The following MYO1D variants were observed in gnomAD, a reference collection of about 807,000 sequenced individuals.
MYO1D encodes unconventional myosin-Id.
MYO1D carries 83 observed loss-of-function variants against 122.0 expected under a neutral mutation model. The observed-to-expected ratio is 0.68, with a 90% CI of 0.57 to 0.82. The LOEUF (loss-of-function observed/expected upper bound fraction) is 0.82, where lower values mean the gene tolerates loss of function less well. MYO1D is among the 40% of genes least tolerant of loss of function. The pLI is 0.00. For synonymous variants in MYO1D, 464 were observed against 446.9 expected, an observed-to-expected ratio of 1.04 and a Z score of -0.48; for missense variants, 1,157 against 1,269.5, an observed-to-expected ratio of 0.91 and a Z score of 1.35.
chr17:32,702,932 A>C (rs1167826895), intron 16 of MYO1D, among the ~76,000 whole-genome samples: 1 of 152,200 alleles, frequency 6.6e-6, no homozygotes, highest in African/African-American at 2.4e-5. Context: ...GCATAATTTA[A>C]ATTTCCAAAG....
intron 1 of MYO1D, among the ~76,000 whole-genome samples, chr17:32,793,158 G>A (rs971929573): frequency 1.3e-5 from 2 of 151,898 alleles, no homozygotes; most frequent in African/African-American, 4.8e-5. Flanking sequence ...CAGTCCACCA[G>A]TGCAGCACTC....
chr17:32,860,627 A>ATT (rs2091063265), intron 1 of MYO1D, among the ~76,000 whole-genome samples: 1 of 152,250 alleles, frequency 6.6e-6, no homozygotes, highest in African/African-American at 2.4e-5. Context: ...TTAAGTGAGA[A>ATT]TAATAAAGGA....
chr17:32,804,087 T>C (rs73283719), intron 1 of MYO1D, among the ~76,000 whole-genome samples: 5,451 of 152,282 alleles, frequency 0.036, 319 homozygotes, highest in African/African-American at 0.12. Context: ...AGCAGAATTC[T>C]TGGATGCTCA....
rs9898273 is a variant in MYO1D at position 32,745,090 on chromosome 17, T to A, written c.1613+121A>T. On this transcript the variant is annotated intron_variant, in intron 13 of 21. Coordinates refer to ENST00000318217, the MANE Select transcript of MYO1D (RefSeq NM_015194.3). ...GTTATATGCTATTTATTAAGTCTGA[T>A]AAAGCAGAACAAGAAAATGTGCCAG... 0.012 allele frequency: 8,088 copies of A among 651,340 alleles called. 486 individuals carry two copies. The African/African-American group carries it at 0.13, about 10-fold the overall frequency. The allele number at this position is 651,340 out of a possible 1,614,324, so 40.3% of individuals were successfully genotyped here. A position where few individuals can be genotyped will look rare whatever the true frequency, so the allele number is the denominator to read the frequency against.
chr17:32,677,751 CTT>C (rs1394379886), intron 16 of MYO1D, among the ~76,000 whole-genome samples: 1 of 151,970 alleles, frequency 6.6e-6, no homozygotes, highest in Admixed American at 6.5e-5. Context: ...AAATGCATGT[CTT>C]GATTTCAGAA....
intron 1 of MYO1D, among the ~76,000 whole-genome samples, chr17:32,807,908 C>A (rs1467563281): frequency 6.6e-6 from 1 of 152,168 alleles, no homozygotes; most frequent in Non-Finnish European, 1.5e-5. Flanking sequence ...TTGCATACCT[C>A]ATTTTCCTAA....
intron 16 of MYO1D, among the ~76,000 whole-genome samples, chr17:32,667,398 C>T (rs2088651514): frequency 6.6e-6 from 1 of 152,060 alleles, no homozygotes; most frequent in Non-Finnish European, 1.5e-5. Flanking sequence ...TAATATGTAA[C>T]AAGAAGAAAA....
intron 21 of MYO1D, among the ~76,000 whole-genome samples, chr17:32,500,320 T>C (rs1909274429): frequency 6.6e-6 from 1 of 152,218 alleles, no homozygotes; most frequent in South Asian, 2.1e-4. Flanking sequence ...TGGGCACAAC[T>C]GGTCAAGAGC....
intron 1 of MYO1D, among the ~76,000 whole-genome samples, chr17:32,850,001 T>TCACTAA (rs1415730769): frequency 6.6e-6 from 1 of 150,692 alleles, no homozygotes; most frequent in Non-Finnish European, 1.5e-5. Flanking sequence ...CCTCACTAAT[T>TCACTAA]TGCCTGTGTT....
At chr17:32,683,913 G>A (rs2088964525) in intron 16 of MYO1D, among the ~76,000 whole-genome samples, 1 of 152,086 alleles carries the variant, frequency 6.6e-6, no homozygotes, top group Non-Finnish European at 1.5e-5. Context: ...CGTGGGCGTA[G>A]GACCCTCCGA....
At chr17:32,870,290 G>A (rs1359381148) in intron 1 of MYO1D, among the ~76,000 whole-genome samples, 1 of 152,178 alleles carries the variant, frequency 6.6e-6, no homozygotes, top group African/African-American at 2.4e-5. Context: ...AAAAGATTTA[G>A]TGTGCCATTC....
intron 1 of MYO1D, among the ~76,000 whole-genome samples, chr17:32,864,007 C>CTTTTCT (rs2091100932): frequency 4.1e-5 from 2 of 48,960 alleles, no homozygotes; most frequent in African/African-American, 2.1e-4. Context: ...ACATTTCTTC[C>CTTTTCT]TTTTTTTTTT....
chr17:32,833,455 C>G (rs933489817), intron 1 of MYO1D, among the ~76,000 whole-genome samples: 16 of 152,308 alleles, frequency 1.1e-4, no homozygotes, highest in African/African-American at 3.1e-4. Flanking sequence ...TATTGTATAG[C>G]TTCTTAGCCA....
At chr17:32,784,794 T>C (rs576631818) in intron 1 of MYO1D, among the ~76,000 whole-genome samples, 4 of 152,134 alleles carry the variant, frequency 2.6e-5, no homozygotes, top group Admixed American at 2.0e-4. Flanking sequence ...GCAGACTACA[T>C]GCACAACCCC....
intron 2 of MYO1D, among the ~76,000 whole-genome samples, chr17:32,780,335 C>G (rs1250798449): frequency 1.3e-5 from 2 of 152,088 alleles, no homozygotes; most frequent in Non-Finnish European, 2.9e-5. Flanking sequence ...TCAGCTCAAT[C>G]TAACAAATTG....
At position 32,559,981 on chromosome 17, in the gene MYO1D, G is replaced by T. The variant is rs561855919; in HGVS notation, c.2864+45106C>A. Among the ~76,000 whole-genome samples, 7 of 152,320 alleles carry T rather than the reference G, an allele frequency of 4.6e-5. No homozygotes were observed. The East Asian group carries it at 1.4e-3, about 29-fold the overall frequency. The stretch of plus-strand genomic sequence containing the variant: ...TCCAACTGCATAAAAAGTGTGCCAG[G>T]TGTGGTGGCTCACGCCTGTAATCCC... On this transcript the variant is annotated intron_variant, in intron 21 of 21. Transcript: ENST00000318217.
At chr17:32,707,009 ATTT>A (rs879590646) in intron 16 of MYO1D, among the ~76,000 whole-genome samples, 30 of 150,470 alleles carry the variant, frequency 2.0e-4, no homozygotes, top group African/African-American at 7.1e-4. Flanking sequence ...CAGATCCATA[ATTT>A]TTTTTTTAAG....
rs181483539 is a variant in MYO1D, at chr17:32,635,984, T to G, written c.2709+2738A>C. On this transcript the variant is annotated intron_variant, in intron 20 of 21. Coordinates refer to ENST00000318217, the MANE Select transcript of MYO1D (RefSeq NM_015194.3). ...GAACTGAAGGGAAATTAGAGCTCAT[T>G]TAGTCCATTAAAAGAGAGATGAGAA... Among the ~76,000 whole-genome samples the G allele has an allele frequency of 1.4e-3, 219 of 152,302 alleles. 2 individuals carry two copies. Among genetic ancestry groups the G allele is most frequent in the Non-Finnish European group, 2.4e-3 (166 of 68,026 alleles).
At chr17:32,785,924 G>A in intron 1 of MYO1D, among the ~76,000 whole-genome samples, 1 of 151,936 alleles carries the variant, frequency 6.6e-6, no homozygotes. Context: ...AAATCAACAA[G>A]AATAACAAAA....
Sources: allele counts gnomAD v4.1 joint callset (sites outside exome capture counted in the v4.1 genomes callset), GRCh38; gene constraint gnomAD v4.1.1; transcripts MANE v1.5; gene names NCBI Gene and HGNC (gene_info 2026-07-23, HGNC 2026-07-21).